Variants in CSMD1 observed in about 807,000 individuals in gnomAD.
CSMD1 encodes the protein CUB and Sushi multiple domains 1, also known as CUB and sushi domain-containing protein 1.
CSMD1 carries 213 observed loss-of-function variants against 417.5 expected under a neutral mutation model. That is an observed-to-expected ratio of 0.51 (90% CI 0.46 to 0.57). The LOEUF is 0.57. CSMD1 is among the 20% of genes least tolerant of loss of function. The pLI is 0.00. For missense variants in CSMD1, 6,923 were observed against 4,529.7 expected, an observed-to-expected ratio of 1.53 and a Z score of -15.17; for synonymous variants, 2,862 against 1,736.8, an observed-to-expected ratio of 1.65 and a Z score of -16.11.
intron 3 of CSMD1, among the ~76,000 whole-genome samples, chr8:4,073,639 T>C (rs1425680249): frequency 1.3e-5 from 2 of 152,164 alleles, no homozygotes; most frequent in East Asian, 3.8e-4. Context: ...TTAATGAATT[T>C]ATTCTGGGGA....
intron 52 of CSMD1, among the ~76,000 whole-genome samples, chr8:3,015,850 C>T (rs917684329): frequency 6.6e-6 from 1 of 152,106 alleles, no homozygotes; most frequent in African/African-American, 2.4e-5. Context: ...GAGAGCGTGT[C>T]AGCATCCTGG....
intron 7 of CSMD1, among the ~76,000 whole-genome samples, chr8:3,635,596 G>A (rs1796998421): frequency 6.7e-6 from 1 of 149,932 alleles, no homozygotes; most frequent in South Asian, 2.1e-4. Flanking sequence ...CCATTCTCCT[G>A]CGTCAACCTC....
At chr8:3,500,477 C>T (rs567641705) in intron 10 of CSMD1, among the ~76,000 whole-genome samples, 1 of 152,090 alleles carries the variant, frequency 6.6e-6, no homozygotes, top group Admixed American at 6.5e-5. Context: ...TACTAAGACT[C>T]TGTCAGAGTA....
chr8:3,357,399 G>A (rs1374885950), intron 21 of CSMD1, among the ~76,000 whole-genome samples: 1 of 152,184 alleles, frequency 6.6e-6, no homozygotes, highest in Non-Finnish European at 1.5e-5. Context: ...TTACTTCGTA[G>A]AATTGTCATG....
intron 2 of CSMD1, among the ~76,000 whole-genome samples, chr8:4,609,432 T>G (rs892782489): frequency 6.6e-6 from 1 of 152,144 alleles, no homozygotes; most frequent in Non-Finnish European, 1.5e-5. Context: ...GCTGATGATC[T>G]AAAGCCTCAT....
At chr8:3,509,355 G>C (rs892952789) in intron 10 of CSMD1, among the ~76,000 whole-genome samples, 5 of 152,126 alleles carry the variant, frequency 3.3e-5, no homozygotes, top group African/African-American at 9.7e-5. Context: ...CTTTAGCCAA[G>C]TCAACTTTGT....
chr8:4,614,579 C>T (rs1293270653), intron 2 of CSMD1, among the ~76,000 whole-genome samples: 2 of 152,104 alleles, frequency 1.3e-5, no homozygotes, highest in East Asian at 3.9e-4. Flanking sequence ...GAACATAGAA[C>T]ACAGGAACAA....
chr8:4,259,493 A>G (rs547365968), intron 3 of CSMD1, among the ~76,000 whole-genome samples: 11 of 151,944 alleles, frequency 7.2e-5, no homozygotes, highest in African/African-American at 2.7e-4. Context: ...TCATACATAA[A>G]GTTTATGGCC....
In CSMD1 at chr8:4,216,156, G is replaced by A. The variant is rs559989465; in HGVS notation, c.416-184057C>T. On this transcript the variant is annotated intron_variant, in intron 3 of 69. Transcript: ENST00000635120. The stretch of plus-strand genomic sequence containing the variant: ...TTTTATGTAATCCCATTTTTTCACA[G>A]GACAGGACCAGCCTATGACACTTGT... Among the ~76,000 whole-genome samples the A allele has an allele frequency of 6.2e-4, 94 of 152,200 alleles. 1 individual carries two copies. Among genetic ancestry groups the A allele is most frequent in the Non-Finnish European group, 1.1e-3 (72 of 68,014 alleles).
intron 7 of CSMD1, among the ~76,000 whole-genome samples, chr8:3,647,212 A>C (rs1052254243): frequency 4.6e-5 from 7 of 152,174 alleles, no homozygotes; most frequent in Non-Finnish European, 7.3e-5. Flanking sequence ...ACTCTTTAAA[A>C]ATATCTATGC....
chr8:3,929,132 A>G (rs1809961555), intron 5 of CSMD1, among the ~76,000 whole-genome samples: 1 of 150,346 alleles, frequency 6.7e-6, no homozygotes, highest in African/African-American at 2.5e-5. Context: ...CATAAGCAAG[A>G]TGCTTTCTAC....
At chr8:4,243,489 G>A (rs147667534) in intron 3 of CSMD1, among the ~76,000 whole-genome samples, 5 of 152,058 alleles carry the variant, frequency 3.3e-5, no homozygotes, top group African/African-American at 7.2e-5. Flanking sequence ...ACTCAAAACA[G>A]AAACTTTCTA....
intron 2 of CSMD1, among the ~76,000 whole-genome samples, chr8:4,508,350 G>A (rs1177951956): frequency 6.6e-6 from 1 of 151,822 alleles, no homozygotes; most frequent in Non-Finnish European, 1.5e-5. Context: ...GTATAAGATG[G>A]GACTTCCAGT....
intron 33 of CSMD1, among the ~76,000 whole-genome samples, chr8:3,198,720 C>T (rs558261105): frequency 3.4e-4 from 52 of 152,124 alleles, no homozygotes; most frequent in African/African-American, 1.2e-3. Flanking sequence ...TGATTAGAAA[C>T]GATTGATACA....
intron 3 of CSMD1, among the ~76,000 whole-genome samples, chr8:4,284,476 T>A (rs1028811293): frequency 6.6e-6 from 1 of 151,634 alleles, no homozygotes; most frequent in Non-Finnish European, 1.5e-5. Context: ...TGTGGCTTTC[T>A]GTTTCCACAT....
At chr8:3,513,371 T>G (rs10099556) in intron 10 of CSMD1, among the ~76,000 whole-genome samples, 1 of 150,926 alleles carries the variant, frequency 6.6e-6, no homozygotes, top group East Asian at 2.0e-4. Flanking sequence ...AGTCTTACTT[T>G]GTTACCCAGG....
intron 2 of CSMD1, among the ~76,000 whole-genome samples, chr8:4,470,383 ATTT>A (rs963212356): frequency 1.3e-5 from 2 of 151,938 alleles, no homozygotes; most frequent in Non-Finnish European, 2.9e-5. Context: ...CTTCCCTCTT[ATTT>A]TTATCTGTAG....
At chr8:4,151,705 TCACA>T (rs796207894) in intron 3 of CSMD1, among the ~76,000 whole-genome samples, 120 of 152,318 alleles carry the variant, frequency 7.9e-4, no homozygotes, top group African/African-American at 2.8e-3. Context: ...TTCCTCAAGC[TCACA>T]CAGATAAATT....
intron 39 of CSMD1, among the ~76,000 whole-genome samples, chr8:3,152,600 C>A (rs1180365393): frequency 6.6e-6 from 1 of 152,106 alleles, no homozygotes; most frequent in Non-Finnish European, 1.5e-5. Flanking sequence ...ATGGTGATTG[C>A]TCAAGCCAGG....
Sources: allele counts gnomAD v4.1 joint callset (sites outside exome capture counted in the v4.1 genomes callset), GRCh38; gene constraint gnomAD v4.1.1; transcripts MANE v1.5; gene names NCBI Gene and HGNC (gene_info 2026-07-23, HGNC 2026-07-21).